ABCG1: variants seen among roughly 807,000 people sequenced by gnomAD.
The protein encoded by ABCG1 is ATP binding cassette subfamily G member 1, also known as ATP-binding cassette sub-family G member 1.
Under a neutral mutation model 69.2 loss-of-function variants are expected in ABCG1, and 29 were observed. The observed-to-expected ratio is 0.42, with a 90% CI of 0.31 to 0.57. The LOEUF (loss-of-function observed/expected upper bound fraction) is 0.57. ABCG1 is among the 20% of genes least tolerant of loss of function. The pLI is 0.15. For missense variants in ABCG1, 718 were observed against 898.1 expected (o/e 0.80, Z 2.56); for synonymous variants, 370 against 374.8 (o/e 0.99, Z 0.15).
At chr21:42,253,733 C>T (rs1266703949) in intron 2 of ABCG1, among the ~76,000 whole-genome samples, 1 of 151,992 alleles carries the variant, frequency 6.6e-6, no homozygotes, top group Non-Finnish European at 1.5e-5. Context: ...ATCAGGGGAC[C>T]CTCTGTAGGA....
At chr21:42,293,051 C>T (rs1045822438) in intron 13 of ABCG1, among the ~76,000 whole-genome samples, 2 of 125,940 alleles carry the variant, frequency 1.6e-5, no homozygotes, top group Admixed American at 7.8e-5. Flanking sequence ...ACCACACACA[C>T]TACACACATA....
chr21:42,245,017 G>A (rs1208335665), intron 2 of ABCG1, among the ~76,000 whole-genome samples: 1 of 152,230 alleles, frequency 6.6e-6, no homozygotes, highest in Non-Finnish European at 1.5e-5. Flanking sequence ...TCCTTCCCCA[G>A]TCATGTCCCA....
intron 2 of ABCG1, among the ~76,000 whole-genome samples, chr21:42,266,431 A>G (rs2068506924): frequency 6.6e-6 from 1 of 152,188 alleles, no homozygotes; most frequent in East Asian, 1.9e-4. Context: ...AGTAGCTCTG[A>G]AGGACCAGCA....
At chr21:42,294,061 C>G (rs1003455962) in intron 13 of ABCG1, among the ~76,000 whole-genome samples, 3 of 152,044 alleles carry the variant, frequency 2.0e-5, no homozygotes, top group African/African-American at 7.3e-5. Context: ...AACCCTGAGT[C>G]GCGGCGGTTG....
intron 2 of ABCG1, among the ~76,000 whole-genome samples, chr21:42,266,119 G>T (rs796629322): frequency 2.6e-5 from 4 of 152,200 alleles, no homozygotes; most frequent in African/African-American, 9.6e-5. Context: ...GGCTAACACA[G>T]TGAAACCACA....
At chr21:42,265,125 G>T (rs2068480713) in intron 2 of ABCG1, among the ~76,000 whole-genome samples, 2 of 152,218 alleles carry the variant, frequency 1.3e-5, no homozygotes, top group Admixed American at 1.3e-4. Flanking sequence ...CTGCAGCTGT[G>T]CTCGGGCAGG....
At chr21:42,274,038 G>A (rs2068665658) in intron 4 of ABCG1, among the ~76,000 whole-genome samples, 1 of 152,244 alleles carries the variant, frequency 6.6e-6, no homozygotes, top group South Asian at 2.1e-4. Context: ...GGGTCACACG[G>A]CTGCTGATGG....
chr21:42,279,503 C>A (rs1206849366), intron 5 of ABCG1, among the ~76,000 whole-genome samples: 1 of 152,220 alleles, frequency 6.6e-6, no homozygotes, highest in Non-Finnish European at 1.5e-5. Flanking sequence ...GCCTGCTGTG[C>A]CCCGAGCCGA....
In ABCG1 at chr21:42,275,746, AT is replaced by A. The variant is rs199948751; in HGVS notation, c.538-1146del. On this transcript the variant is annotated intron_variant, in intron 4 of 14. Coordinates refer to ENST00000398449, the MANE Select transcript of ABCG1 (RefSeq NM_016818.3). Reference sequence around the variant, plus strand: ...ATTCAGTTCGATTTTGATTCTGAGAATTTCATGAGGCCCTGGAGAAATACTC... The same window carrying A: ...ATTCAGTTCGATTTTGATTCTGAGAATTCATGAGGCCCTGGAGAAATACTC... Among the ~76,000 whole-genome samples the A allele has an allele frequency of 2.3e-3, 356 of 152,320 alleles. 2 individuals carry two copies. The highest frequency in any genetic ancestry group is 0.021 in the Admixed American group (327 of 15,300).
At chr21:42,260,043 C>T (rs2068379097) in intron 2 of ABCG1, 1 of 1,550,346 alleles carries the variant, frequency 6.5e-7, no homozygotes, top group Non-Finnish European at 8.7e-7. Flanking sequence ...GCCCCATCAC[C>T]TGGGGGTGGT....
At chr21:42,275,195 C>G (rs1314690896) in intron 4 of ABCG1, among the ~76,000 whole-genome samples, 1 of 152,202 alleles carries the variant, frequency 6.6e-6, no homozygotes. Context: ...CGTTTGCAGA[C>G]ACATGATCTG....
chr21:42,259,502 C>G, intron 2 of ABCG1: 1 of 1,546,646 alleles, frequency 6.5e-7, no homozygotes, highest in Non-Finnish European at 8.7e-7. Context: ...ACCGTCCACT[C>G]AAGGTGCATT....
intron 2 of ABCG1, chr21:42,259,598 A>G: frequency 6.9e-7 from 1 of 1,450,028 alleles, no homozygotes; most frequent in Non-Finnish European, 9.1e-7. Context: ...GGAGCTGGCC[A>G]TTACCTTGTT....
chr21:42,235,206 C>CA (rs2067961693), intron 2 of ABCG1, among the ~76,000 whole-genome samples: 1 of 152,182 alleles, frequency 6.6e-6, no homozygotes, highest in Non-Finnish European at 1.5e-5. Flanking sequence ...CCACCCGGGG[C>CA]GGCCTGCGCT....
At chr21:42,248,287 G>A (rs1257004140) in intron 2 of ABCG1, among the ~76,000 whole-genome samples, 1 of 152,224 alleles carries the variant, frequency 6.6e-6, no homozygotes, top group Non-Finnish European at 1.5e-5. Context: ...GAGGATTGGT[G>A]TGAGAGTGGA....
chr21:42,206,065 AACAC>A (rs1250575105), intron 2 of ABCG1, among the ~76,000 whole-genome samples: 1 of 152,138 alleles, frequency 6.6e-6, no homozygotes, highest in Non-Finnish European at 1.5e-5. Context: ...TTGACCAGAA[AACAC>A]AGTCTGGTGC....
intron 2 of ABCG1, among the ~76,000 whole-genome samples, chr21:42,240,834 A>G (rs558448011): frequency 1.3e-5 from 2 of 152,390 alleles, no homozygotes; most frequent in Middle Eastern, 3.4e-3. Context: ...GCTGCCAGCC[A>G]GGTCTCATGA....
At chr21:42,211,752 G>T (rs183617603), upstream of ABCG1, among the ~76,000 whole-genome samples, 5 of 151,954 alleles carry the variant, frequency 3.3e-5, no homozygotes, top group African/African-American at 9.7e-5. Flanking sequence ...AGCTGGGCAC[G>T]GTGGCATGCG....
chr21:42,234,390 C>CA (rs1355413151), intron 2 of ABCG1, among the ~76,000 whole-genome samples: 1 of 152,246 alleles, frequency 6.6e-6, no homozygotes, highest in Non-Finnish European at 1.5e-5. Flanking sequence ...TGAGGAGCTA[C>CA]AAAAGGCCTC....
Sources: allele counts gnomAD v4.1 joint callset (sites outside exome capture counted in the v4.1 genomes callset), GRCh38; gene constraint gnomAD v4.1.1; transcripts MANE v1.5; gene names NCBI Gene and HGNC (gene_info 2026-07-23, HGNC 2026-07-21).